RNF169: variants seen among roughly 807,000 people sequenced by gnomAD.
RNF169 encodes E3 ubiquitin-protein ligase RNF169.
RNF169 carries 24 observed loss-of-function variants against 53.9 expected under a neutral mutation model. The ratio of observed to expected loss-of-function variants is 0.45; its 90% CI spans 0.32 to 0.63. The LOEUF (loss-of-function observed/expected upper bound fraction) is 0.63. RNF169 is among the 20% of genes least tolerant of loss of function. RNF169 has a pLI of 0.04. For missense variants in RNF169, 883 were observed against 906.2 expected (o/e 0.97, Z 0.33); for synonymous variants, 396 against 363.5 (o/e 1.09, Z -1.02).
chr11:74,781,498 G>A (rs116353872), intron 1 of RNF169, among the ~76,000 whole-genome samples: 66 of 152,296 alleles, frequency 4.3e-4, no homozygotes, highest in African/African-American at 1.5e-3. Context: ...AGGACATTTA[G>A]GTTGTTCCCA....
At chr11:74,777,706 G>A (rs2035356900) in intron 1 of RNF169, among the ~76,000 whole-genome samples, 1 of 151,642 alleles carries the variant, frequency 6.6e-6, no homozygotes, top group African/African-American at 2.4e-5. Context: ...GGAGTGCAGT[G>A]GCACAATCAA....
intron 4 of RNF169, among the ~76,000 whole-genome samples, chr11:74,823,639 T>A (rs487207): frequency 0.35 from 52,173 of 150,118 alleles, 11,014 homozygotes; most frequent in African/African-American, 0.6. Context: ...CAGGAGGCTG[T>A]GGTGGGAGGA....
In RNF169 at chr11:74,842,397, A is replaced by T. The variant is rs1480684639; in HGVS notation, c.*5667A>T. 2 of 152,260 alleles carry T rather than the reference A, an allele frequency of 1.3e-5. No individual in the cohort carries two copies. The highest frequency in any genetic ancestry group is 4.8e-5 in the African/African-American group (2 of 41,458). 9.4% of individuals were successfully genotyped at this position (152,260 alleles called of 1,614,324 possible). The stretch of plus-strand genomic sequence containing the variant: ...GCCCAAGTTGAGAATACAGTAAAGG[A>T]AACTCATGAAAGTGGATGTTCTGTT... On this transcript the variant is annotated 3_prime_UTR_variant, in exon 6 of 6. Coordinates refer to ENST00000299563, the MANE Select transcript of RNF169 (RefSeq NM_001098638.2).
rs7109516 is a variant in RNF169, at chr11:74,764,197, C to T, written c.502+14815C>T. On this transcript the variant is annotated intron_variant, in intron 1 of 5. Transcript: ENST00000299563. ...CCAGAAGAAAACTGAATAATTTCTT[C>T]AGCCTTGAGAGAGATCTGAATTTCA... Among the ~76,000 whole-genome samples the T allele has an allele frequency of 5.5e-3, 845 of 152,362 alleles. 8 individuals are homozygous for T. Among genetic ancestry groups the T allele is most frequent in the African/African-American group, 0.019 (792 of 41,584 alleles).
intron 1 of RNF169, among the ~76,000 whole-genome samples, chr11:74,781,797 T>G (rs558303): frequency 0.19 from 29,010 of 152,194 alleles, 2,929 homozygotes; most frequent in South Asian, 0.38. Flanking sequence ...ATTGCTTGTG[T>G]TAAATCATAG....
chr11:74,804,143 G>A (rs1209246197), intron 2 of RNF169, among the ~76,000 whole-genome samples: 1 of 152,168 alleles, frequency 6.6e-6, no homozygotes, highest in Non-Finnish European at 1.5e-5. Context: ...TCTCAAAGAT[G>A]TGCATGATAG....
chr11:74,799,027 C>T, intron 2 of RNF169, among the ~76,000 whole-genome samples: 1 of 148,980 alleles, frequency 6.7e-6, no homozygotes. Flanking sequence ...GCCCTCCCAC[C>T]TTAGCAACAG....
rs2036303735 is a variant in RNF169 at position 74,839,173 on chromosome 11, T to C, written c.*2443T>C. 1 of 152,190 alleles carries C rather than the reference T, an allele frequency of 6.6e-6. No individual in the cohort carries two copies. Among genetic ancestry groups the C allele is most frequent in the South Asian group, 2.1e-4 (1 of 4,828 alleles). The allele number at this position is 152,190 out of a possible 1,614,324, so 9.4% of individuals were successfully genotyped here. On this transcript the variant is annotated 3_prime_UTR_variant, in exon 6 of 6. Transcript: ENST00000299563. ...GCTTACTGCCTTCCCCCCTTGTACCTACAGTGATGCCTAGGATGGTATTGA... is the reference window on the plus strand; with the variant it reads ...GCTTACTGCCTTCCCCCCTTGTACCCACAGTGATGCCTAGGATGGTATTGA...
At chr11:74,776,144 T>TA (rs1404772209) in intron 1 of RNF169, among the ~76,000 whole-genome samples, 5 of 151,804 alleles carry the variant, frequency 3.3e-5, no homozygotes, top group African/African-American at 7.2e-5. Context: ...AAATTGCTCT[T>TA]TTTTATTTTT....
At chr11:74,756,308 T>C (rs749447651) in intron 1 of RNF169, among the ~76,000 whole-genome samples, 13 of 152,310 alleles carry the variant, frequency 8.5e-5, no homozygotes, top group Non-Finnish European at 1.5e-4. Context: ...GGCAGTATAG[T>C]ATATATTAAT....
chr11:74,765,967 C>G (rs1371940128), intron 1 of RNF169, among the ~76,000 whole-genome samples: 1 of 151,598 alleles, frequency 6.6e-6, no homozygotes, highest in Non-Finnish European at 1.5e-5. Flanking sequence ...ATTAGCAAGG[C>G]CAAAATCTAA....
intron 4 of RNF169, among the ~76,000 whole-genome samples, chr11:74,826,385 G>A (rs2036097751): frequency 6.6e-6 from 1 of 152,026 alleles, no homozygotes; most frequent in Non-Finnish European, 1.5e-5. Flanking sequence ...CACGAGAACA[G>A]CATGGGGGAA....
In RNF169 at chr11:74,836,982, GA is replaced by G. The variant is rs1214641648; in HGVS notation, c.*253del. 2.5e-6 allele frequency: 1 copy of G among 403,778 alleles called. No individual in the cohort carries two copies. The highest frequency in any genetic ancestry group is 4.3e-5 in the East Asian group (1 of 23,026). The allele number at this position is 403,778 out of a possible 1,614,324, so 25.0% of individuals were successfully genotyped here. Reference sequence around the variant, plus strand: ...AAACCTGGCAGCACCCACTGGGAATGAGATTTGGAACGGCCTCAGGAGCATA... The same window carrying G: ...AAACCTGGCAGCACCCACTGGGAATGGATTTGGAACGGCCTCAGGAGCATA... On this transcript the variant is annotated 3_prime_UTR_variant, in exon 6 of 6. Transcript: ENST00000299563.
chr11:74,824,109 A>G (rs1378595504), intron 4 of RNF169, among the ~76,000 whole-genome samples: 2 of 152,188 alleles, frequency 1.3e-5, no homozygotes, highest in Admixed American at 1.3e-4. Context: ...GGGACTTTAA[A>G]TCATATCCTC....
chr11:74,763,365 T>C (rs1209924757), intron 1 of RNF169, among the ~76,000 whole-genome samples: 1 of 152,016 alleles, frequency 6.6e-6, no homozygotes, highest in Non-Finnish European at 1.5e-5. Flanking sequence ...AGTCAGCAGA[T>C]AGAACAAGCA....
rs1358069168 is a variant in RNF169, at chr11:74,749,221, C to T, written c.341C>T (p.Ala114Val). The change falls in exon 1 of 6, where the codon GCC becomes GTC. Residue 114 changes from alanine to valine, a missense_variant. By Grantham distance (64) the Ala-to-Val change is moderately conservative (BLOSUM62 0). This residue lies in a region of RNF169 where 313 missense variants were observed against 279.9 expected (regional missense o/e 1.12). Transcript: ENST00000299563. ...TGCCGCGCCCGCGGCCCAGGCTGGGCCCGCCGTCGGGCCCGCGACGACGGC... is the reference window on the plus strand; with the variant it reads ...TGCCGCGCCCGCGGCCCAGGCTGGGTCCGCCGTCGGGCCCGCGACGACGGC... ...PRCRARGPGW[A>V]RRRARDDGQA... 4 of 1,082,104 alleles carry T rather than the reference C, an allele frequency of 3.7e-6. No individual in the cohort carries two copies. The highest frequency in any genetic ancestry group is 4.5e-6 in the Non-Finnish European group (4 of 895,102). 67.0% of individuals were successfully genotyped at this position (1,082,104 alleles called of 1,614,324 possible).
chr11:74,817,385 A>T (rs1210513209), intron 3 of RNF169, among the ~76,000 whole-genome samples: 3 of 152,212 alleles, frequency 2.0e-5, no homozygotes, highest in African/African-American at 7.2e-5. Flanking sequence ...TGGGTTGGTG[A>T]TGGGGCTTAC....
chr11:74,768,000 G>T (rs1230770181), intron 1 of RNF169, among the ~76,000 whole-genome samples: 2 of 152,054 alleles, frequency 1.3e-5, no homozygotes, highest in East Asian at 1.9e-4. Flanking sequence ...TTTTTAAGTG[G>T]AATTTATCAA....
At chr11:74,818,177 C>G (rs1351412392) in intron 4 of RNF169, among the ~76,000 whole-genome samples, 1 of 151,968 alleles carries the variant, frequency 6.6e-6, no homozygotes, top group Non-Finnish European at 1.5e-5. Flanking sequence ...TTTGTAGGCC[C>G]TGGGAAGGAA....
Sources: gnomAD v4.1 joint callset for allele counts (sites outside exome capture counted in the v4.1 genomes callset) on GRCh38, gnomAD v4.1.1 for gene constraint, gnomAD v4.1.1 regional missense constraint, MANE v1.5 for transcripts, NCBI Gene and HGNC (gene_info 2026-07-23, HGNC 2026-07-21) for gene names.